The following RALGAPA2 variants were observed in gnomAD, a reference collection of about 807,000 sequenced individuals.
RALGAPA2 encodes the protein Ral GTPase activating protein catalytic subunit alpha 2.
In RALGAPA2, 139 loss-of-function variants were observed where a neutral mutation model predicts 230.4. That is an observed-to-expected ratio of 0.60 (90% confidence interval 0.53 to 0.69). RALGAPA2 has a LOEUF of 0.69. Ranked by LOEUF, RALGAPA2 falls within the 30% of genes least tolerant of loss-of-function variation. The pLI, the probability that RALGAPA2 is intolerant of heterozygous loss-of-function variation, is 0.00. For synonymous variants in RALGAPA2, 847 were observed against 837.8 expected, an observed-to-expected ratio of 1.01 and a Z score of -0.19; for missense variants, 2,163 against 2,276.0, an observed-to-expected ratio of 0.95 and a Z score of 1.01.
At chr20:20,454,075 G>C (rs1173284895) in intron 37 of RALGAPA2, among the ~76,000 whole-genome samples, 2 of 152,274 alleles carry the variant, frequency 1.3e-5, no homozygotes, top group South Asian at 4.2e-4. Context: ...AGAAAAACTT[G>C]TTTCTCAGAA....
At chr20:20,455,167 G>T (rs2061082198) in intron 37 of RALGAPA2, among the ~76,000 whole-genome samples, 5 of 152,342 alleles carry the variant, frequency 3.3e-5, no homozygotes, top group Admixed American at 2.6e-4. Context: ...TGCCTCCACA[G>T]TCCCGTGTAA....
intron 36 of RALGAPA2, among the ~76,000 whole-genome samples, chr20:20,491,035 T>C (rs1324726446): frequency 2.7e-5 from 4 of 150,372 alleles, no homozygotes; most frequent in East Asian, 1.9e-4. Context: ...AAAAAAGGCA[T>C]TTAGAATCCC....
chr20:20,408,104 T>C (rs2059982925), intron 38 of RALGAPA2, among the ~76,000 whole-genome samples: 1 of 152,224 alleles, frequency 6.6e-6, no homozygotes, highest in African/African-American at 2.4e-5. Context: ...TGGCTCTCTA[T>C]AGCAATATTG....
chr20:20,694,057 T>C (rs1258908450), intron 1 of RALGAPA2, among the ~76,000 whole-genome samples: 3 of 151,924 alleles, frequency 2.0e-5, no homozygotes, highest in Admixed American at 1.3e-4. Flanking sequence ...TGAGCCATGA[T>C]TGAGCCACTG....
chr20:20,602,813 C>CGTGTGTGT (rs35087554), intron 15 of RALGAPA2, among the ~76,000 whole-genome samples: 18 of 147,676 alleles, frequency 1.2e-4, no homozygotes, highest in African/African-American at 4.2e-4. Flanking sequence ...GAATGGCAGG[C>CGTGTGTGT]GTGTGTGTGT....
chr20:20,650,292 G>C (rs2146585652), intron 4 of RALGAPA2, among the ~76,000 whole-genome samples: 1 of 152,262 alleles, frequency 6.6e-6, no homozygotes, highest in African/African-American at 2.4e-5. Flanking sequence ...GTTTTCTACA[G>C]ACAAAATAAG....
At chr20:20,706,891 G>C (rs2069630150) in intron 1 of RALGAPA2, among the ~76,000 whole-genome samples, 1 of 152,100 alleles carries the variant, frequency 6.6e-6, no homozygotes, top group African/African-American at 2.4e-5. Context: ...CTGGGGATAG[G>C]AACACTTCCT....
At chr20:20,484,378 TAACTCCATGG>T (rs2061854116) in intron 36 of RALGAPA2, among the ~76,000 whole-genome samples, 1 of 152,106 alleles carries the variant, frequency 6.6e-6, no homozygotes, top group Admixed American at 6.5e-5. Flanking sequence ...CAGGAACACA[TAACTCCATGG>T]AACTCCATGG....
intron 4 of RALGAPA2, among the ~76,000 whole-genome samples, chr20:20,646,901 A>T (rs368472370): frequency 4.0e-5 from 6 of 151,238 alleles, no homozygotes; most frequent in Non-Finnish European, 7.4e-5. Context: ...TGTACTTTTA[A>T]TTTTTTTTTC....
At chr20:20,646,708 G>A (rs950835503) in intron 4 of RALGAPA2, among the ~76,000 whole-genome samples, 8 of 150,280 alleles carry the variant, frequency 5.3e-5, no homozygotes, top group African/African-American at 2.0e-4. Context: ...AAATTTAAGG[G>A]ATACTAAAAA....
intron 23 of RALGAPA2, among the ~76,000 whole-genome samples, chr20:20,555,637 C>G (rs1321643909): frequency 2.6e-5 from 4 of 152,094 alleles, no homozygotes; most frequent in South Asian, 2.1e-4. Context: ...AAATTTATTC[C>G]TAAGTATTTG....
intron 37 of RALGAPA2, among the ~76,000 whole-genome samples, chr20:20,462,913 G>T (rs1209326513): frequency 6.6e-6 from 1 of 152,190 alleles, no homozygotes; most frequent in African/African-American, 2.4e-5. Flanking sequence ...TAATCCCAGA[G>T]TCCACTAAAC....
chr20:20,586,055 G>C (rs2065124874), intron 18 of RALGAPA2, among the ~76,000 whole-genome samples: 1 of 152,136 alleles, frequency 6.6e-6, no homozygotes, highest in Admixed American at 6.5e-5. Flanking sequence ...TATCTAATGT[G>C]CTAAGAGGAA....
At chr20:20,441,128 CG>C (rs1367438356) in intron 37 of RALGAPA2, among the ~76,000 whole-genome samples, 3 of 152,162 alleles carry the variant, frequency 2.0e-5, no homozygotes, top group African/African-American at 7.2e-5. Flanking sequence ...AAACAAAAGC[CG>C]AATTTAATGG....
At chr20:20,613,557 T>C (rs189066912) in intron 13 of RALGAPA2, among the ~76,000 whole-genome samples, 2 of 152,284 alleles carry the variant, frequency 1.3e-5, no homozygotes, top group Admixed American at 1.3e-4. Context: ...AGGTAGCTGG[T>C]GTCCTTCCTT....
At chr20:20,456,165 T>C (rs2061113643) in intron 37 of RALGAPA2, among the ~76,000 whole-genome samples, 1 of 152,244 alleles carries the variant, frequency 6.6e-6, no homozygotes, top group Non-Finnish European at 1.5e-5. Context: ...AGACATCCTG[T>C]GGTGTAATTA....
In RALGAPA2 at chr20:20,536,797, A is replaced by G; in HGVS notation, c.3286-13T>C. 1 of 1,608,892 alleles carries G rather than the reference A, an allele frequency of 6.2e-7. No homozygotes were observed. The highest frequency in any genetic ancestry group is 8.5e-7 in the Non-Finnish European group (1 of 1,176,724). ...CTGAACGAGGCGCCTGCACATAAGG[A>G]AGAGGAGCACACACATTTCTCTTTT... On this transcript the variant is annotated splice_polypyrimidine_tract_variant and intron_variant, in intron 24 of 39. Transcript: ENST00000202677.
chr20:20,424,417 C>T lies in RALGAPA2; in HGVS notation c.5496-12269G>A, dbSNP rs145985024. Among the ~76,000 whole-genome samples the T allele has an allele frequency of 1.6e-3, 247 of 152,270 alleles. 1 individual carries two copies. Among genetic ancestry groups the T allele is most frequent in the African/African-American group, 5.3e-3 (219 of 41,548 alleles). On this transcript the variant is annotated intron_variant, in intron 37 of 39. Transcript: ENST00000202677. ...CAACAGGCTACTTCAATGATGAAAACGACAGAAAAAGTGACGAATCAATAT... is the reference window on the plus strand; with the variant it reads ...CAACAGGCTACTTCAATGATGAAAATGACAGAAAAAGTGACGAATCAATAT...
At chr20:20,417,047 T>C (rs982052093) in intron 37 of RALGAPA2, among the ~76,000 whole-genome samples, 5 of 152,226 alleles carry the variant, frequency 3.3e-5, no homozygotes, top group South Asian at 2.1e-4. Flanking sequence ...CTAACTCCCA[T>C]GGCAGTGATC....
Sources: gnomAD v4.1 joint callset for allele counts (sites outside exome capture counted in the v4.1 genomes callset) on GRCh38, gnomAD v4.1.1 for gene constraint, MANE v1.5 for transcripts, NCBI Gene and HGNC (gene_info 2026-07-23, HGNC 2026-07-21) for gene names.